The following ODAD2 variants were observed in gnomAD, a reference collection of about 807,000 sequenced individuals.
The protein encoded by ODAD2 is outer dynein arm-docking complex subunit 2.
Under a neutral mutation model 106.8 loss-of-function variants are expected in ODAD2, and 89 were observed. The ratio of observed to expected loss-of-function variants is 0.83; its 90% confidence interval spans 0.70 to 0.99. The LOEUF (loss-of-function observed/expected upper bound fraction) is 0.99. Ranked by LOEUF, ODAD2 falls within the 50% of genes least tolerant of loss-of-function variation. The pLI is 0.00. For synonymous variants in ODAD2, 404 were observed against 436.2 expected, an observed-to-expected ratio of 0.93 and a Z score of 0.92; for missense variants, 1,168 against 1,238.5, an observed-to-expected ratio of 0.94 and a Z score of 0.85.
At chr10:27,836,703 C>A (rs1837916515) in intron 19 of ODAD2, among the ~76,000 whole-genome samples, 1 of 152,040 alleles carries the variant, frequency 6.6e-6, no homozygotes, top group South Asian at 2.1e-4. Flanking sequence ...GACATAATTT[C>A]TTTAGGATTT....
chr10:27,822,415 T>C (rs2132878068), intron 19 of ODAD2, among the ~76,000 whole-genome samples: 1 of 152,312 alleles, frequency 6.6e-6, no homozygotes, highest in East Asian at 1.9e-4. Context: ...CCAAAAGATC[T>C]TAAGTGCCCA....
chr10:27,960,707 T>C (rs1054812543), intron 10 of ODAD2, among the ~76,000 whole-genome samples: 3 of 152,178 alleles, frequency 2.0e-5, no homozygotes, highest in Admixed American at 1.3e-4. Flanking sequence ...TGGGGTACAA[T>C]GTGATATTTT....
intron 17 of ODAD2, among the ~76,000 whole-genome samples, chr10:27,879,003 C>T (rs958928858): frequency 6.6e-6 from 1 of 152,010 alleles, no homozygotes; most frequent in Non-Finnish European, 1.5e-5. Context: ...ATGATACAAT[C>T]GTTATAGTCT....
chr10:27,952,517 C>T (rs750779558), intron 10 of ODAD2, among the ~76,000 whole-genome samples: 2 of 152,124 alleles, frequency 1.3e-5, no homozygotes, highest in Non-Finnish European at 2.9e-5. Context: ...TTCAGCCCCA[C>T]ATGCACTGGC....
intron 19 of ODAD2, among the ~76,000 whole-genome samples, chr10:27,860,177 C>T (rs1395623637): frequency 2.0e-5 from 3 of 152,174 alleles, no homozygotes; most frequent in Non-Finnish European, 4.4e-5. Flanking sequence ...ACTGGCTGGG[C>T]ATTGTGACTC....
At chr10:27,938,791 G>A (rs17533396) in intron 14 of ODAD2, among the ~76,000 whole-genome samples, 16,655 of 151,874 alleles carry the variant, frequency 0.11, 1,216 homozygotes, top group Non-Finnish European at 0.16. Flanking sequence ...GTAGAGACGG[G>A]GTTGCACCAT....
chr10:27,855,212 T>A (rs557317607), intron 19 of ODAD2, among the ~76,000 whole-genome samples: 2 of 152,140 alleles, frequency 1.3e-5, no homozygotes, highest in Admixed American at 6.5e-5. Context: ...TAAAAAAAAA[T>A]TGAAATAAGA....
intron 17 of ODAD2, among the ~76,000 whole-genome samples, chr10:27,864,935 A>G (rs1324559703): frequency 6.6e-6 from 1 of 152,170 alleles, no homozygotes; most frequent in African/African-American, 2.4e-5. Flanking sequence ...GTGAGGCTCA[A>G]AGAGGTTGAA....
chr10:27,972,869 T>C (rs1261177664), intron 7 of ODAD2, among the ~76,000 whole-genome samples: 1 of 152,092 alleles, frequency 6.6e-6, no homozygotes, highest in Non-Finnish European at 1.5e-5. Flanking sequence ...TCAGTAATGA[T>C]ATAGAAGATA....
In ODAD2 at chr10:27,939,912, GGCGCAGTGCT is replaced by G. The variant is rs748077762; in HGVS notation, c.2072_2081del (p.Glu691AlafsTer39). On this transcript the variant is annotated frameshift_variant, in exon 14 of 20. Coordinates refer to ENST00000305242, the MANE Select transcript of ODAD2 (RefSeq NM_018076.5). LOFTEE classifies it high-confidence loss of function. Reference sequence around the variant, plus strand: ...TTCACTGCACCTGGTAAATGGCCATGGCGCAGTGCTCCTGCAGCTGCTCATTCTCACTATT... The same window carrying G: ...TTCACTGCACCTGGTAAATGGCCATGCCTGCAGCTGCTCATTCTCACTATT... 1 of 1,603,188 alleles carries G rather than the reference GGCGCAGTGCT, an allele frequency of 6.2e-7. No homozygotes were observed. The highest frequency in any genetic ancestry group is 2.3e-5 in the East Asian group (1 of 44,104).
chr10:27,814,853 C>T (rs564914893), intron 19 of ODAD2, among the ~76,000 whole-genome samples: 3 of 152,182 alleles, frequency 2.0e-5, no homozygotes, highest in Admixed American at 1.3e-4. Flanking sequence ...CTGAGTCCTG[C>T]GGGAGGCATA....
Position 27,821,938 on chromosome 10 carries a change from T to C in ODAD2, c.3022-9313A>G, listed in dbSNP as rs1467374487. 2.0e-5 allele frequency among the ~76,000 whole-genome samples: 3 copies of C among 152,306 alleles called. No homozygotes were observed. The South Asian group carries it at 6.2e-4, about 32-fold the overall frequency. On this transcript the variant is annotated intron_variant, in intron 19 of 19. Coordinates refer to ENST00000305242, the MANE Select transcript of ODAD2 (RefSeq NM_018076.5). ...TTTATTGGGAGTTTCATATATACAC[T>C]GAAGGAAAACTAGCCCCCACGCTTT...
At chr10:27,916,398 T>C (rs1357922840) in intron 16 of ODAD2, among the ~76,000 whole-genome samples, 4 of 152,162 alleles carry the variant, frequency 2.6e-5, no homozygotes, top group African/African-American at 7.2e-5. Context: ...CTTGGTTACA[T>C]ACAGGGAAAT....
At chr10:27,837,825 A>G (rs937421240) in intron 19 of ODAD2, among the ~76,000 whole-genome samples, 2 of 152,222 alleles carry the variant, frequency 1.3e-5, no homozygotes, top group African/African-American at 4.8e-5. Context: ...AGGATAAGCC[A>G]TTGTGGTCCA....
chr10:27,890,774 A>T (rs1172570602), intron 17 of ODAD2, among the ~76,000 whole-genome samples: 22 of 94,716 alleles, frequency 2.3e-4, no homozygotes, highest in Admixed American at 1.3e-3. Flanking sequence ...ATATATTTAA[A>T]AAAAAAAAAA....
rs548190567 is a variant in ODAD2, at chr10:27,907,566, A to T, written c.2610+97T>A. The T allele has an allele frequency of 4.1e-6, 3 of 732,000 alleles. No individual in the cohort carries two copies. The East Asian group carries it at 8.1e-5, about 20-fold the overall frequency. The allele number at this position is 732,000 out of a possible 1,614,324, so 45.3% of individuals were successfully genotyped here. On this transcript the variant is annotated intron_variant, in intron 17 of 19. Transcript: ENST00000305242. ...AACCCTCTCCCACCAGATAAATCTG[A>T]CTTACAATAAGTCAAAAGCAATTAG...
chr10:27,934,205 C>T (rs1845804578), intron 16 of ODAD2, among the ~76,000 whole-genome samples: 1 of 152,020 alleles, frequency 6.6e-6, no homozygotes, highest in Non-Finnish European at 1.5e-5. Context: ...GTGAATTAAA[C>T]CTCTTTCCTT....
chr10:27,993,968 A>ATGTGTGTGTG (rs1365629219), intron 2 of ODAD2, among the ~76,000 whole-genome samples: 4 of 109,750 alleles, frequency 3.6e-5, no homozygotes, highest in African/African-American at 1.0e-4. Context: ...AAATATATAT[A>ATGTGTGTGTG]TATATATGTG....
chr10:27,896,347 A>G (rs1842852157), intron 17 of ODAD2, among the ~76,000 whole-genome samples: 1 of 152,204 alleles, frequency 6.6e-6, no homozygotes, highest in African/African-American at 2.4e-5. Flanking sequence ...ATTCATATCA[A>G]GGTATTAATT....
Sources: allele counts gnomAD v4.1 joint callset (sites outside exome capture counted in the v4.1 genomes callset), GRCh38; gene constraint gnomAD v4.1.1; transcripts MANE v1.5; gene names NCBI Gene and HGNC (gene_info 2026-07-23, HGNC 2026-07-21).